Variants in SORCS2 observed in about 807,000 individuals in gnomAD.
The protein encoded by SORCS2 is VPS10 domain-containing receptor SorCS2.
Under a neutral mutation model 141.6 loss-of-function variants are expected in SORCS2, and 100 were observed. That is an observed-to-expected ratio of 0.71 (90% CI 0.60 to 0.83). The LOEUF (loss-of-function observed/expected upper bound fraction) is 0.83. Among genes scored for constraint, SORCS2 ranks in the 40% least tolerant of loss-of-function variants. The pLI, the probability that SORCS2 is intolerant of heterozygous loss-of-function variation, is 0.00. For synonymous variants in SORCS2, 789 were observed against 676.9 expected, an observed-to-expected ratio of 1.17 and a Z score of -2.57; for missense variants, 1,646 against 1,560.2, an observed-to-expected ratio of 1.05 and a Z score of -0.93.
At chr4:7,200,162 G>A (rs1727409962) in intron 1 of SORCS2, among the ~76,000 whole-genome samples, 1 of 152,162 alleles carries the variant, frequency 6.6e-6, no homozygotes, top group South Asian at 2.1e-4. Flanking sequence ...CCAGGCCACT[G>A]CAGGGACTTT....
chr4:7,367,111 G>A (rs890822137), intron 1 of SORCS2, among the ~76,000 whole-genome samples: 1 of 152,210 alleles, frequency 6.6e-6, no homozygotes, highest in Non-Finnish European at 1.5e-5. Context: ...GGGGAGCCCC[G>A]TGATGTGGCC....
intron 1 of SORCS2, chr4:7,381,991 A>T (rs1186127385): frequency 6.1e-6 from 6 of 985,442 alleles, no homozygotes; most frequent in Non-Finnish European, 7.2e-6. Flanking sequence ...GGAAACAGGC[A>T]GGTGAACAGG....
At chr4:7,680,826 T>C (rs1437126235) in intron 9 of SORCS2, among the ~76,000 whole-genome samples, 2 of 152,186 alleles carry the variant, frequency 1.3e-5, no homozygotes, top group Non-Finnish European at 2.9e-5. Flanking sequence ...CCTGAGTCTC[T>C]GAGAGCCAAC....
chr4:7,452,257 C>T (rs1054352023), intron 2 of SORCS2, among the ~76,000 whole-genome samples: 9 of 152,150 alleles, frequency 5.9e-5, no homozygotes. Flanking sequence ...TCGCCTGCCT[C>T]AGCCTCCTGA....
At chr4:7,443,710 A>G (rs1021811682) in intron 2 of SORCS2, among the ~76,000 whole-genome samples, 7 of 152,250 alleles carry the variant, frequency 4.6e-5, no homozygotes, top group Non-Finnish European at 8.8e-5. Flanking sequence ...CTCCAGAGTC[A>G]GAAACCTTCT....
rs930438722 is a variant in SORCS2, at chr4:7,704,284, C to T, written c.1868C>T (p.Thr623Met). 1.1e-5 allele frequency: 18 copies of T among 1,608,552 alleles called. No homozygotes were observed. Among genetic ancestry groups the T allele is most frequent in the Admixed American group, 3.4e-5 (2 of 59,348 alleles). The part of the protein sequence containing the change: ...SEPGDETLVM[T>M]VFGHISFRSD... ...CCAGGGGACGAGACGCTGGTCATGA[C>T]GTGAGTGCGGGGACCGGGGAGTGGG... Residue 623 changes from threonine (T) to methionine (M), a missense_variant and splice_region_variant, in exon 14 of 27, where the codon ACG becomes ATG. Physicochemically the swap from Thr to Met is moderately conservative, Grantham distance 81 (BLOSUM62 -1). Coordinates refer to ENST00000507866, the MANE Select transcript of SORCS2 (RefSeq NM_020777.3).
chr4:7,417,935 G>A (rs1422522241), intron 2 of SORCS2, among the ~76,000 whole-genome samples: 1 of 152,222 alleles, frequency 6.6e-6, no homozygotes, highest in Non-Finnish European at 1.5e-5. Context: ...GAAAACATAA[G>A]AGTGAGCCAG....
chr4:7,672,998 T>C (rs989126414), intron 8 of SORCS2, among the ~76,000 whole-genome samples: 8 of 152,234 alleles, frequency 5.3e-5, no homozygotes, highest in Non-Finnish European at 1.2e-4. Flanking sequence ...CATACAAATA[T>C]GTACAATCAC....
chr4:7,199,157 C>G (rs1170404011), intron 1 of SORCS2, among the ~76,000 whole-genome samples: 1 of 152,276 alleles, frequency 6.6e-6, no homozygotes. Context: ...GTTTCGTCAT[C>G]GTGTTTCGGG....
chr4:7,592,911 C>T (rs1717013059), intron 3 of SORCS2, among the ~76,000 whole-genome samples: 1 of 152,348 alleles, frequency 6.6e-6, no homozygotes, highest in Non-Finnish European at 1.5e-5. Flanking sequence ...AATAATTTCT[C>T]CACTTGAAGG....
intron 1 of SORCS2, among the ~76,000 whole-genome samples, chr4:7,321,694 G>T (rs373743885): frequency 3.3e-5 from 5 of 152,248 alleles, no homozygotes; most frequent in African/African-American, 9.6e-5. Flanking sequence ...GCTGGGTGAG[G>T]AGGGTGATGG....
chr4:7,690,185 AGATG>A (rs762826980), intron 11 of SORCS2, among the ~76,000 whole-genome samples: 133 of 144,062 alleles, frequency 9.2e-4, no homozygotes, highest in Non-Finnish European at 1.6e-3. Flanking sequence ...ATAGACGAGT[AGATG>A]GATGGATGAG....
At chr4:7,449,754 T>C (rs1728322981) in intron 2 of SORCS2, among the ~76,000 whole-genome samples, 1 of 152,056 alleles carries the variant, frequency 6.6e-6, no homozygotes, top group South Asian at 2.1e-4. Context: ...TCTCCAGCCA[T>C]CTTTGGCCTC....
intron 1 of SORCS2, among the ~76,000 whole-genome samples, chr4:7,384,739 C>T (rs1053002003): frequency 5.9e-5 from 9 of 152,182 alleles, no homozygotes; most frequent in Non-Finnish European, 8.8e-5. Context: ...ACACACTGCA[C>T]GGCCAACTCC....
At chr4:7,599,207 T>G (rs1055059158) in intron 3 of SORCS2, among the ~76,000 whole-genome samples, 6 of 151,934 alleles carry the variant, frequency 3.9e-5, no homozygotes, top group African/African-American at 1.5e-4. Context: ...AGTTCCTGAG[T>G]GAAGTCAGCC....
intron 3 of SORCS2, among the ~76,000 whole-genome samples, chr4:7,560,104 G>C (rs943390364): frequency 2.0e-5 from 3 of 152,232 alleles, no homozygotes; most frequent in African/African-American, 7.2e-5. Context: ...CATCCTCGCA[G>C]GTTAGGAGCA....
intron 1 of SORCS2, among the ~76,000 whole-genome samples, chr4:7,280,267 G>T (rs1715786730): frequency 6.6e-6 from 1 of 152,068 alleles, no homozygotes; most frequent in African/African-American, 2.4e-5. Context: ...CTGTGCTCCG[G>T]TAGGAAGAGG....
intron 3 of SORCS2, among the ~76,000 whole-genome samples, chr4:7,560,753 C>A (rs1220634572): frequency 6.6e-6 from 1 of 152,116 alleles, no homozygotes; most frequent in Admixed American, 6.5e-5. Flanking sequence ...GGGAGGGGAG[C>A]TTTGCCCGAC....
intron 1 of SORCS2, among the ~76,000 whole-genome samples, chr4:7,387,473 A>G (rs540361644): frequency 6.6e-5 from 10 of 150,442 alleles, no homozygotes; most frequent in African/African-American, 2.5e-4. Context: ...ATACAGAGAT[A>G]CACATGCACA....
Sources: gnomAD v4.1 joint callset for allele counts (sites outside exome capture counted in the v4.1 genomes callset) on GRCh38, gnomAD v4.1.1 for gene constraint, MANE v1.5 for transcripts, NCBI Gene and HGNC (gene_info 2026-07-23, HGNC 2026-07-21) for gene names.